CCDC30: variants seen among roughly 807,000 people sequenced by gnomAD.
CCDC30 encodes the protein coiled-coil domain containing 30.
A neutral mutation model predicts 100.2 loss-of-function variants in CCDC30; 70 were observed. The observed-to-expected ratio is 0.70, with a 90% CI of 0.58 to 0.85. CCDC30 has a LOEUF of 0.85. Ranked by LOEUF, CCDC30 falls within the 40% of genes least tolerant of loss-of-function variation. CCDC30 has a pLI of 0.00. For missense variants in CCDC30, 652 were observed against 771.2 expected (o/e 0.85, Z 1.83); for synonymous variants, 233 against 269.5 (o/e 0.86, Z 1.33).
At chr1:42,653,481 G>C in intron 16 of CCDC30, 38 bp downstream of exon 20, 34 of 1,278,930 alleles carry the variant, frequency 2.7e-5, no homozygotes, top group Non-Finnish European at 3.8e-5. Flanking sequence ...AAGTCTATCT[G>C]AGATGGACTG....
intron 8 of CCDC30, among the ~76,000 whole-genome samples, chr1:42,579,180 C>T (rs534421653): frequency 8.6e-5 from 13 of 151,854 alleles, no homozygotes; most frequent in East Asian, 2.0e-4. Context: ...TTAGTAGAGA[C>T]GGGGTTTCAC....
At chr1:42,471,192 A>G (rs1461823678) in intron 1 of CCDC30, among the ~76,000 whole-genome samples, 1 of 152,084 alleles carries the variant, frequency 6.6e-6, no homozygotes, top group Non-Finnish European at 1.5e-5. Flanking sequence ...TATTGACCTG[A>G]AGCCTGTACC....
the CCDC30 span, chr1:42,456,957 C>T: frequency 1.2e-6 from 2 of 1,604,814 alleles, no homozygotes; most frequent in Non-Finnish European, 1.7e-6. Flanking sequence ...TTTGCTGAGG[C>T]TCTGAGGAGC....
At chr1:42,562,864 C>T (rs7526050) in intron 6 of CCDC30, among the ~76,000 whole-genome samples, 37,076 of 152,110 alleles carry the variant, frequency 0.24, 4,961 homozygotes, top group South Asian at 0.42. Flanking sequence ...AGCTCAACAT[C>T]ACTGATCATC....
At chr1:42,643,875 C>T (rs1472195763) in intron 13 of CCDC30, among the ~76,000 whole-genome samples, 3 of 152,052 alleles carry the variant, frequency 2.0e-5, no homozygotes, top group Non-Finnish European at 2.9e-5. Context: ...AATCAGAATC[C>T]GATCAGTATG....
At chr1:42,654,340 T>C (rs1648585537), downstream of CCDC30, 1 of 253,612 alleles carries the variant, frequency 3.9e-6, no homozygotes, top group Admixed American at 5.1e-5. Context: ...TTTTCTGATT[T>C]ATTTTTTAAC....
chr1:42,634,884 A>G (rs910314492), intron 11 of CCDC30, among the ~76,000 whole-genome samples: 14 of 152,026 alleles, frequency 9.2e-5, no homozygotes, highest in Admixed American at 2.6e-4. Context: ...GGCAACCACT[A>G]ATCTACTTTC....
intron 7 of CCDC30, among the ~76,000 whole-genome samples, chr1:42,576,761 G>T (rs971642404): frequency 6.6e-6 from 1 of 152,170 alleles, no homozygotes; most frequent in Non-Finnish European, 1.5e-5. Flanking sequence ...GGGGATGAAA[G>T]CCAGTTTGGA....
intron 1 of CCDC30, among the ~76,000 whole-genome samples, chr1:42,473,910 G>A (rs984010648): frequency 3.3e-5 from 5 of 152,070 alleles, no homozygotes; most frequent in East Asian, 1.9e-4. Flanking sequence ...ATCTACCCTC[G>A]TTTCTGGACC....
rs766318603 is a variant in CCDC30 at position 42,556,214 on chromosome 1, A to G, written c.457-10082A>G. The G allele has an allele frequency of 2.5e-6, 4 of 1,614,058 alleles. No individual in the cohort carries two copies. In the African/African-American group the frequency reaches 5.3e-5, roughly 22 times the overall value. On this transcript the variant is annotated intron_variant, in intron 6 of 16. Transcript: ENST00000668663. ...TCCAGAGGAGTCAGTAAAGGAGGGC[A>G]GTTTTCCAAGAGAGGGGCAGAAGGA... is the stretch of plus-strand genomic sequence containing the variant.
intron 15 of CCDC30, among the ~76,000 whole-genome samples, 176 bp from the exon 20 acceptor site, chr1:42,653,198 GGT>G (rs746390713): frequency 6.6e-6 from 1 of 151,894 alleles, no homozygotes; most frequent in East Asian, 1.9e-4. Context: ...AATATAGATA[GGT>G]TATATATATA....
At chr1:42,551,461 T>C (rs975936187) in intron 6 of CCDC30, among the ~76,000 whole-genome samples, 3 of 152,094 alleles carry the variant, frequency 2.0e-5, no homozygotes, top group African/African-American at 4.8e-5. Context: ...AATTAAGAAC[T>C]ACAACAGGAG....
intron 6 of CCDC30, chr1:42,542,920 GAC>G (rs1645044852): frequency 6.5e-6 from 1 of 153,628 alleles, no homozygotes; most frequent in African/African-American, 2.4e-5. Flanking sequence ...CTACTTAAGT[GAC>G]TAACATTTAT....
chr1:42,509,567 C>T (rs954620261), intron 6 of CCDC30, among the ~76,000 whole-genome samples: 11 of 152,148 alleles, frequency 7.2e-5, no homozygotes, highest in Non-Finnish European at 1.5e-4. Flanking sequence ...CATGTGGTTA[C>T]AGGTCATGTT....
At chr1:42,498,606 C>T (rs1050677809) in intron 5 of CCDC30, among the ~76,000 whole-genome samples, 3 of 152,010 alleles carry the variant, frequency 2.0e-5, no homozygotes, top group Non-Finnish European at 4.4e-5. Flanking sequence ...TGAAAAAGTT[C>T]AGGTAGGGTA....
intron 10 of CCDC30, among the ~76,000 whole-genome samples, chr1:42,599,736 A>T (rs1291658341): frequency 2.6e-5 from 4 of 152,248 alleles, no homozygotes; most frequent in Non-Finnish European, 5.9e-5. Flanking sequence ...TGCTAACATT[A>T]ATCAAAAGAA....
At chr1:42,520,565 C>T (rs1251734172) in intron 6 of CCDC30, among the ~76,000 whole-genome samples, 3 of 148,654 alleles carry the variant, frequency 2.0e-5, no homozygotes, top group Admixed American at 6.8e-5. Context: ...CTCCTGACCT[C>T]GTGATCTGCC....
intron 6 of CCDC30, among the ~76,000 whole-genome samples, chr1:42,554,289 T>C (rs1427604698): frequency 6.6e-6 from 1 of 151,280 alleles, no homozygotes; most frequent in Non-Finnish European, 1.5e-5. Context: ...TTTTTTTTTT[T>C]TTTGTGGAGA....
At chr1:42,615,607 A>G (rs766657289) in intron 11 of CCDC30, among the ~76,000 whole-genome samples, 7 of 151,954 alleles carry the variant, frequency 4.6e-5, no homozygotes, top group Non-Finnish European at 1.0e-4. Flanking sequence ...CCGGCCAAGC[A>G]ATTCTTAAAA....
Sources: allele counts gnomAD v4.1 joint callset (sites outside exome capture counted in the v4.1 genomes callset), GRCh38; gene constraint gnomAD v4.1.1; transcripts MANE v1.5; gene names NCBI Gene and HGNC (gene_info 2026-07-23, HGNC 2026-07-21).